Variants in CFAP44 observed in about 807,000 individuals in gnomAD.
The protein encoded by CFAP44 is cilia- and flagella-associated protein 44.
A neutral mutation model predicts 216.2 loss-of-function variants in CFAP44; 134 were observed. The ratio of observed to expected loss-of-function variants is 0.62; its 90% confidence interval spans 0.54 to 0.72. The LOEUF is 0.72. Among genes scored for constraint, CFAP44 ranks in the 30% least tolerant of loss-of-function variants. CFAP44 has a pLI of 0.00. For missense variants in CFAP44, 2,035 were observed against 2,182.1 expected (o/e 0.93, Z 1.34); for synonymous variants, 700 against 727.6 (o/e 0.96, Z 0.61).
intron 2 of CFAP44, among the ~76,000 whole-genome samples, chr3:113,428,203 T>C (rs1333146400): frequency 6.6e-6 from 1 of 152,240 alleles, no homozygotes; most frequent in East Asian, 1.9e-4. Context: ...CTTGTGACTG[T>C]AGCAACCAAA....
At chr3:113,331,454 A>G (rs1046527592) in intron 25 of CFAP44, among the ~76,000 whole-genome samples, 9 of 151,632 alleles carry the variant, frequency 5.9e-5, no homozygotes, top group African/African-American at 2.2e-4. Context: ...ATAAACATAC[A>G]GTTTTTTAAA....
chr3:113,359,645 A>C (rs1427722977), intron 21 of CFAP44, among the ~76,000 whole-genome samples: 1 of 152,118 alleles, frequency 6.6e-6, no homozygotes, highest in Non-Finnish European at 1.5e-5. Flanking sequence ...GATTTCACCA[A>C]AGCATTTTTT....
chr3:113,432,873 C>T lies in CFAP44; in HGVS notation c.100+692G>A, dbSNP rs147499241. Among the ~76,000 whole-genome samples the T allele has an allele frequency of 1.7e-3, 263 of 152,282 alleles. 2 individuals are homozygous for T. The highest frequency in any genetic ancestry group is 2.7e-3 in the Non-Finnish European group (183 of 68,030). On this transcript the variant is annotated intron_variant, in intron 2 of 34. Transcript: ENST00000393845. ...TCTTGTCATAGTTCTATAAATTCCA[C>T]TCAGTTCAATTTTCTACATGCATCT...
intron 17 of CFAP44, among the ~76,000 whole-genome samples, chr3:113,374,085 G>A (rs1933258931): frequency 6.6e-6 from 1 of 151,846 alleles, no homozygotes; most frequent in Non-Finnish European, 1.5e-5. Flanking sequence ...CAAATTAAGG[G>A]TCAGAACAAC....
intron 1 of CFAP44, among the ~76,000 whole-genome samples, chr3:113,439,519 C>T (rs1935310177): frequency 6.6e-6 from 1 of 152,114 alleles, no homozygotes; most frequent in African/African-American, 2.4e-5. Flanking sequence ...TTTCATTATT[C>T]CTTTAAAACC....
At chr3:113,364,916 T>C (rs1950573838) in intron 19 of CFAP44, among the ~76,000 whole-genome samples, 1 of 151,800 alleles carries the variant, frequency 6.6e-6, no homozygotes, top group Non-Finnish European at 1.5e-5. Flanking sequence ...TTGTTTTCTG[T>C]TGTTTTTTTT....
chr3:113,419,324 G>T (rs1430892401), intron 5 of CFAP44, among the ~76,000 whole-genome samples: 1 of 151,910 alleles, frequency 6.6e-6, no homozygotes, highest in African/African-American at 2.4e-5. Flanking sequence ...TATAGGTCTT[G>T]TCTCTTTAGA....
At position 113,373,432 on chromosome 3, in the gene CFAP44, G is replaced by C. The variant is rs912714841; in HGVS notation, c.2423C>G (p.Pro808Arg). ...VRYLADTEDN[P>R]IQTITFNINK... ...TCACTTGAAAGTGATAGTTTGGATG[G>C]GATTGTCCTCTGTATCCGCAAGATA... Residue 808 changes from proline to arginine, a missense_variant, in exon 18 of 35, where the codon CCC becomes CGC. By Grantham distance (103) the Pro-to-Arg change is moderately radical. This residue lies in a region of CFAP44 where 1,883 missense variants were observed against 2,023.7 expected (regional missense o/e 0.93). Transcript: ENST00000393845. 12 of 1,593,392 alleles carry C rather than the reference G, an allele frequency of 7.5e-6. No homozygotes were observed. In the African/African-American group the frequency reaches 1.2e-4, roughly 16 times the overall value.
At chr3:113,329,717 T>A (rs1016864038) in intron 26 of CFAP44, among the ~76,000 whole-genome samples, 1 of 152,208 alleles carries the variant, frequency 6.6e-6, no homozygotes, top group South Asian at 2.1e-4. Context: ...GTAATCACCA[T>A]AAACACTTCT....
rs189863599 is a variant in CFAP44 at position 113,362,108 on chromosome 3, T to C, written c.2934+1037A>G. Among the ~76,000 whole-genome samples, 15 of 151,978 alleles carry C rather than the reference T, an allele frequency of 9.9e-5. No homozygotes were observed. The East Asian group carries it at 2.7e-3, about 28-fold the overall frequency. On this transcript the variant is annotated intron_variant, in intron 21 of 34. Coordinates refer to ENST00000393845, the MANE Select transcript of CFAP44 (RefSeq NM_001164496.2). Reference sequence around the variant, plus strand: ...CCTCAAGCAGAAGACTAAAATATTATTTCTTTTTAGAAGATCTTGGTTGAG... The same window carrying C: ...CCTCAAGCAGAAGACTAAAATATTACTTCTTTTTAGAAGATCTTGGTTGAG...
chr3:113,320,466 CA>C (rs943984315), intron 28 of CFAP44, among the ~76,000 whole-genome samples: 3 of 93,932 alleles, frequency 3.2e-5, no homozygotes, highest in African/African-American at 1.2e-4. Context: ...ATCTATATAT[CA>C]TATATGATAT....
intron 28 of CFAP44, among the ~76,000 whole-genome samples, chr3:113,317,979 CT>C (rs11323662): frequency 0.018 from 2,697 of 152,242 alleles, 44 homozygotes; most frequent in Middle Eastern, 0.054. Context: ...CAGAACACAC[CT>C]GCAAACACTA....
intron 6 of CFAP44, among the ~76,000 whole-genome samples, chr3:113,413,294 A>G (rs554575362): frequency 6.6e-6 from 1 of 152,222 alleles, no homozygotes; most frequent in South Asian, 2.1e-4. Context: ...GGTAGATTGC[A>G]AAAATTTTCT....
chr3:113,395,750 A>G lies in CFAP44; in HGVS notation c.1890T>C (p.His630=). 1 of 1,601,744 alleles carries G rather than the reference A, an allele frequency of 6.2e-7. No homozygotes were observed. The highest frequency in any genetic ancestry group is 8.5e-7 in the Non-Finnish European group (1 of 1,173,646). The change falls in exon 15 of 35, where the codon CAT becomes CAC. Residue 630 remains histidine (H), a splice_region_variant and synonymous_variant. Transcript: ENST00000393845. ...AGGAAGACAAATAATAATGACTTAC[A>G]TGAGACATGGGAGACCACATTAACT... ...VCQLMWSPMS[H]PESTLLIICE... is the part of the protein sequence containing the mutation.
chr3:113,365,168 C>CATTTT (rs1465681536), intron 19 of CFAP44, among the ~76,000 whole-genome samples: 1 of 152,082 alleles, frequency 6.6e-6, no homozygotes, highest in East Asian at 1.9e-4. Context: ...GGTAGAAAGG[C>CATTTT]ATTTTCTTCT....
At chr3:113,309,108 T>C (rs1473983373) in intron 28 of CFAP44, among the ~76,000 whole-genome samples, 1 of 152,184 alleles carries the variant, frequency 6.6e-6, no homozygotes, top group Non-Finnish European at 1.5e-5. Context: ...TGAGTCCTTT[T>C]TCTGACTAGT....
intron 16 of CFAP44, among the ~76,000 whole-genome samples, chr3:113,379,934 T>C (rs1933460234): frequency 6.6e-6 from 1 of 152,216 alleles, no homozygotes; most frequent in Non-Finnish European, 1.5e-5. Context: ...CTATCAATTG[T>C]CCTTTGCAAA....
At chr3:113,427,596 TAAAAAG>T (rs1309816681) in intron 2 of CFAP44, 6 of 333,464 alleles carry the variant, frequency 1.8e-5, no homozygotes, top group Non-Finnish European at 2.7e-5. Flanking sequence ...AAGTAAAAGA[TAAAAAG>T]AAAGAGGTTA....
chr3:113,326,442 A>G lies in CFAP44; in HGVS notation c.4516+3T>C. ...AGATCATATGCAAGAAAGAAATACA[A>G]ACCAGCATCTCCTTCAACTTCTTTT... is the stretch of plus-strand genomic sequence containing the variant. On this transcript the variant is annotated splice_donor_region_variant and intron_variant, in intron 28 of 34. Transcript: ENST00000393845. 6.7e-7 allele frequency: 1 copy of G among 1,493,966 alleles called. No homozygotes were observed. Among genetic ancestry groups the G allele is most frequent in the Non-Finnish European group, 8.8e-7 (1 of 1,131,072 alleles). The allele number at this position is 1,493,966 out of a possible 1,614,324, so 92.5% of individuals were successfully genotyped here.
Sources: allele counts gnomAD v4.1 joint callset (sites outside exome capture counted in the v4.1 genomes callset), GRCh38; gene constraint gnomAD v4.1.1; regional missense constraint gnomAD v4.1.1; transcripts MANE v1.5; gene names NCBI Gene and HGNC (gene_info 2026-07-23, HGNC 2026-07-21).